Variants in SUGCT observed in about 807,000 individuals in gnomAD.
SUGCT encodes succinyl-CoA:glutarate CoA-transferase.
A neutral mutation model predicts 55.0 loss-of-function variants in SUGCT; 41 were observed. That is an observed-to-expected ratio of 0.74 (90% CI 0.58 to 0.97). The LOEUF is 0.97. Ranked by LOEUF, SUGCT falls within the 50% of genes least tolerant of loss-of-function variation. The probability of loss-of-function intolerance (pLI) is 0.00; values close to 1 mark genes in which losing one functional copy is unlikely to be tolerated. For synonymous variants in SUGCT, 187 were observed against 200.4 expected, an observed-to-expected ratio of 0.93 and a Z score of 0.56; for missense variants, 568 against 547.8, an observed-to-expected ratio of 1.04 and a Z score of -0.37.
intron 6 of SUGCT, among the ~76,000 whole-genome samples, chr7:40,214,817 G>C (rs1478377657): frequency 6.6e-6 from 1 of 151,966 alleles, no homozygotes; most frequent in African/African-American, 2.4e-5. Context: ...AGGAGGCTGA[G>C]CCAGGAGAAT....
chr7:40,622,660 A>G (rs2151794835), intron 12 of SUGCT, among the ~76,000 whole-genome samples: 1 of 149,068 alleles, frequency 6.7e-6, no homozygotes, highest in African/African-American at 2.5e-5. Flanking sequence ...TCAGACCAGT[A>G]TTTTCAGTTT....
intron 13 of SUGCT, among the ~76,000 whole-genome samples, chr7:40,796,740 G>A (rs1790572729): frequency 1.3e-5 from 2 of 152,310 alleles, no homozygotes; most frequent in South Asian, 4.1e-4. Context: ...TATATCAGGT[G>A]TGGCTACAGG....
chr7:40,687,114 A>T (rs1311884653), intron 12 of SUGCT, among the ~76,000 whole-genome samples: 1 of 152,002 alleles, frequency 6.6e-6, no homozygotes, highest in African/African-American at 2.4e-5. Flanking sequence ...TGTTGTTACC[A>T]TCTATCATCA....
intron 13 of SUGCT, among the ~76,000 whole-genome samples, chr7:40,856,193 G>A (rs1213686877): frequency 6.6e-6 from 1 of 152,082 alleles, no homozygotes; most frequent in East Asian, 1.9e-4. Flanking sequence ...CATCCATGTG[G>A]GCTGTAAATT....
chr7:40,983,856 A>C, the SUGCT span, among the ~76,000 whole-genome samples: 22 of 152,292 alleles, frequency 1.4e-4, no homozygotes, highest in Non-Finnish European at 2.4e-4. Flanking sequence ...ATTTATAGTG[A>C]GTGTCTTGCT....
intron 12 of SUGCT, among the ~76,000 whole-genome samples, chr7:40,734,870 A>T (rs1267813068): frequency 6.6e-6 from 1 of 152,176 alleles, no homozygotes; most frequent in Non-Finnish European, 1.5e-5. Context: ...TGCCTCTTAG[A>T]CTGGACTCCC....
chr7:40,957,447 C>CTTTTTTTTTTTTTTTTTTT, the SUGCT span, among the ~76,000 whole-genome samples: 3 of 76,108 alleles, frequency 3.9e-5, no homozygotes, highest in Admixed American at 1.6e-4. Flanking sequence ...GCAACCCCTG[C>CTTTTTTTTTTTTTTTTTTT]TTTTTTTTTT....
At chr7:40,944,014 A>G in the SUGCT span, among the ~76,000 whole-genome samples, 1 of 150,856 alleles carries the variant, frequency 6.6e-6, no homozygotes, top group Non-Finnish European at 1.5e-5. Context: ...TTTGATTTGC[A>G]TTTCTCTGAT....
chr7:40,437,554 G>A (rs929035218), intron 9 of SUGCT, among the ~76,000 whole-genome samples: 5 of 152,280 alleles, frequency 3.3e-5, no homozygotes, highest in Non-Finnish European at 7.4e-5. Context: ...ACCATTTGTG[G>A]CATTGTTCCA....
chr7:40,898,484 G>C, the SUGCT span, among the ~76,000 whole-genome samples: 1 of 106,142 alleles, frequency 9.4e-6, no homozygotes. Context: ...GGAGGTCGGG[G>C]GGGGGGGGGG....
intron 13 of SUGCT, among the ~76,000 whole-genome samples, chr7:40,852,179 C>A (rs1793885333): frequency 6.6e-6 from 1 of 152,260 alleles, no homozygotes; most frequent in Non-Finnish European, 1.5e-5. Context: ...TCCATTCAAT[C>A]TTCCCTATCT....
At chr7:40,201,954 AT>A (rs1275432129) in intron 6 of SUGCT, among the ~76,000 whole-genome samples, 3 of 151,896 alleles carry the variant, frequency 2.0e-5, no homozygotes, top group South Asian at 2.1e-4. Context: ...AGTCCTATAG[AT>A]TTTTTTTCTC....
chr7:40,135,187 C>T, intron 1 of SUGCT, 67 bp downstream of exon 1: 1 of 1,485,420 alleles, frequency 6.7e-7, no homozygotes, highest in Non-Finnish European at 9.0e-7. Context: ...CTCGGGCGCC[C>T]TGAGGAGAGC....
At chr7:40,901,459 T>C in the SUGCT span, among the ~76,000 whole-genome samples, 1 of 152,152 alleles carries the variant, frequency 6.6e-6, no homozygotes, top group Non-Finnish European at 1.5e-5. Context: ...CAACACACAC[T>C]ATATAGCAAC....
chr7:40,423,763 G>C (rs1157104826), intron 9 of SUGCT, among the ~76,000 whole-genome samples: 1 of 152,084 alleles, frequency 6.6e-6, no homozygotes, highest in South Asian at 2.1e-4. Flanking sequence ...GAAAATTAAT[G>C]TTGCAATGGA....
At chr7:40,377,152 T>TA (rs1784597492) in intron 9 of SUGCT, among the ~76,000 whole-genome samples, 1 of 15,128 alleles carries the variant, frequency 6.6e-5, no homozygotes, top group Non-Finnish European at 3.1e-4. Context: ...CTTTCTTTCT[T>TA]TCTTTCTTTC....
chr7:40,927,560 G>T, the SUGCT span, among the ~76,000 whole-genome samples: 12 of 152,176 alleles, frequency 7.9e-5, no homozygotes, highest in Non-Finnish European at 1.5e-4. Context: ...GGAAAACTTA[G>T]TTGGTCACCG....
chr7:40,554,657 A>G (rs1401731046), intron 12 of SUGCT, among the ~76,000 whole-genome samples: 2 of 152,204 alleles, frequency 1.3e-5, no homozygotes, highest in Non-Finnish European at 1.5e-5. Flanking sequence ...AGTCTGCATA[A>G]AAATGTTCCC....
At chr7:40,687,257 G>A (rs1315228223) in intron 12 of SUGCT, among the ~76,000 whole-genome samples, 2 of 152,076 alleles carry the variant, frequency 1.3e-5, no homozygotes, top group Admixed American at 6.6e-5. Context: ...ACATCTAATT[G>A]TCACTCTCCA....
Sources: allele counts gnomAD v4.1 joint callset (sites outside exome capture counted in the v4.1 genomes callset), GRCh38; gene constraint gnomAD v4.1.1; transcripts MANE v1.5; gene names NCBI Gene and HGNC (gene_info 2026-07-23, HGNC 2026-07-21).